The following FAM83A variants were observed in gnomAD, a reference collection of about 807,000 sequenced individuals.
FAM83A encodes the protein protein FAM83A.
FAM83A carries 21 observed loss-of-function variants against 24.4 expected under a neutral mutation model. The ratio of observed to expected loss-of-function variants is 0.86; its 90% CI spans 0.61 to 1.24. The LOEUF (loss-of-function observed/expected upper bound fraction) is 1.24, where lower values mean the gene tolerates loss of function less well. FAM83A is among the 50% of genes most tolerant of loss of function. FAM83A has a pLI of 0.00. For missense variants in FAM83A, 617 were observed against 579.8 expected (o/e 1.06, Z -0.66); for synonymous variants, 270 against 252.4 (o/e 1.07, Z -0.66).
exon 4 of FAM83A, chr8:123,207,987 G>A (rs1824622742): frequency 3.4e-6 from 4 of 1,189,364 alleles, no homozygotes; most frequent in Admixed American, 8.8e-5. Flanking sequence ...GATCATCCGG[G>A]GCTTTAATAT....
At chr8:123,191,662 G>T (rs910343098) in intron 1 of FAM83A, 141 bp from the exon 2 acceptor site, 6 of 834,992 alleles carry the variant, frequency 7.2e-6, no homozygotes, top group Non-Finnish European at 1.2e-5. Context: ...TGCCCAGTCA[G>T]ACCCACTCTA....
In FAM83A at chr8:123,209,957, C is replaced by A; in HGVS notation, c.*2269C>A. The A allele has an allele frequency of 5.0e-6, 1 of 198,134 alleles. No homozygotes were observed. The highest frequency in any genetic ancestry group is 1.1e-5 in the Non-Finnish European group (1 of 94,996). The allele number at this position is 198,134 out of a possible 1,614,324, so 12.3% of individuals were successfully genotyped here. On this transcript the variant is annotated 3_prime_UTR_variant, in exon 4 of 4. Coordinates refer to ENST00000690554, the Ensembl canonical transcript of FAM83A. The surrounding 1 kb of genome is among the most constrained non-coding windows in gnomAD (Gnocchi z 4.7). Reference sequence around the variant, plus strand: ...AGGTTGCCACATAGAAGCAGCTCTCCAGTTGAAACCCTCCTCTGCCAGCCT... The same window carrying A: ...AGGTTGCCACATAGAAGCAGCTCTCAAGTTGAAACCCTCCTCTGCCAGCCT...
chr8:123,195,521 G>T lies in FAM83A; in HGVS notation c.773+1373G>T, dbSNP rs143594067. 3.9e-3 allele frequency among the ~76,000 whole-genome samples: 599 copies of T among 152,214 alleles called. 4 individuals are homozygous for T. The highest frequency in any genetic ancestry group is 0.014 in the African/African-American group (573 of 41,542). ...ACATTGCTACCTCCAGTCTTCCTTGGGCTTAAATTTGTACAGTGTCTTAGT... is the reference window on the plus strand; with the variant it reads ...ACATTGCTACCTCCAGTCTTCCTTGTGCTTAAATTTGTACAGTGTCTTAGT... On this transcript the variant is annotated intron_variant, in intron 3 of 3. Transcript: ENST00000690554.
intron 1 of FAM83A, among the ~76,000 whole-genome samples, chr8:123,186,610 TCC>T (rs1224363149): frequency 6.6e-6 from 1 of 152,012 alleles, no homozygotes; most frequent in Non-Finnish European, 1.5e-5. Flanking sequence ...CAGGTGGATC[TCC>T]TGAGGTCAGG....
intron 1 of FAM83A, among the ~76,000 whole-genome samples, chr8:123,185,771 G>T (rs1199206565): frequency 1.3e-5 from 2 of 152,140 alleles, no homozygotes; most frequent in Non-Finnish European, 2.9e-5. Context: ...TAATAATAAA[G>T]AACTATTTCA....
Position 123,183,342 on chromosome 8 carries a change from G to T in FAM83A, c.480+6G>T. On this transcript the variant is annotated splice_donor_region_variant and intron_variant, in intron 1 of 3. Coordinates refer to ENST00000690554, the Ensembl canonical transcript of FAM83A. ...GCATCACCCGGACTAGCCAGGTACCGATGGCAAAGCCCCTGTCTCCGTGGC... is the reference window on the plus strand; with the variant it reads ...GCATCACCCGGACTAGCCAGGTACCTATGGCAAAGCCCCTGTCTCCGTGGC... 1 of 1,604,776 alleles carries T rather than the reference G, an allele frequency of 6.2e-7. No homozygotes were observed.
exon 4 of FAM83A, chr8:123,207,216 C>T (rs933456114): frequency 6.2e-7 from 1 of 1,612,278 alleles, no homozygotes; most frequent in South Asian, 1.1e-5. Context: ...ACAGGCCAGG[C>T]GGTGGAGCTG....
intron 1 of FAM83A, 108 bp from the exon 2 acceptor site, chr8:123,191,695 C>T (rs1823979910): frequency 2.5e-6 from 3 of 1,181,690 alleles, no homozygotes; most frequent in Admixed American, 1.9e-5. Context: ...CCCTCTGGCC[C>T]AATGGGAACA....
chr8:123,192,121 T>A (rs2131076175), intron 2 of FAM83A, 151 bp downstream of exon 2: 3 of 775,060 alleles, frequency 3.9e-6, no homozygotes. Context: ...GTAGGTCAGA[T>A]GGCCCTCCTC....
chr8:123,199,033 C>G (rs948694854), intron 3 of FAM83A, among the ~76,000 whole-genome samples: 4 of 152,212 alleles, frequency 2.6e-5, no homozygotes, highest in African/African-American at 9.6e-5. Flanking sequence ...AGCCACTGCT[C>G]CCAGCTTCTA....
chr8:123,207,341 A>G, exon 4 of FAM83A: 1 of 1,611,232 alleles, frequency 6.2e-7, no homozygotes, highest in East Asian at 2.2e-5. Context: ...TGGCCGCCTT[A>G]GCAGCAGCAG....
chr8:123,196,077 T>A (rs925596254), intron 3 of FAM83A, among the ~76,000 whole-genome samples: 1 of 152,242 alleles, frequency 6.6e-6, no homozygotes, highest in Non-Finnish European at 1.5e-5. Flanking sequence ...AGTGGTGCAA[T>A]CCCAGTTCAC....
chr8:123,183,227 C>T, exon 1 of FAM83A: 2 of 1,613,516 alleles, frequency 1.2e-6, no homozygotes, highest in Non-Finnish European at 1.7e-6. Context: ...TGGGCCTCAG[C>T]TGAGAAGCCC....
In FAM83A at chr8:123,194,300, G is replaced by C; in HGVS notation, c.773+152G>C. ...AGCTGGAGCTGCATCACATAGATGG[G>C]GTGAGAGGCAAGAAATGTGGACCCT... is the stretch of plus-strand genomic sequence containing the variant. On this transcript the variant is annotated intron_variant, in intron 3 of 3. Transcript: ENST00000690554. The C allele has an allele frequency of 2.7e-6, 3 of 1,106,776 alleles. No homozygotes were observed. In the East Asian group the frequency reaches 7.6e-5, roughly 28 times the overall value. 68.6% of individuals were successfully genotyped at this position (1,106,776 alleles called of 1,614,324 possible).
intron 1 of FAM83A, among the ~76,000 whole-genome samples, chr8:123,187,072 G>A (rs1347589942): frequency 6.6e-6 from 1 of 152,182 alleles, no homozygotes; most frequent in Non-Finnish European, 1.5e-5. Flanking sequence ...GAGTCTCAAA[G>A]GCTGAGTAAG....
chr8:123,181,653 A>G (rs1056634348), upstream of FAM83A: 7 of 174,638 alleles, frequency 4.0e-5, no homozygotes, highest in Middle Eastern at 2.6e-3. Flanking sequence ...TGGGCAGGAA[A>G]ACCTTGAGAT....
intron 3 of FAM83A, 115 bp downstream of exon 3, chr8:123,194,263 C>T: frequency 6.9e-7 from 1 of 1,443,012 alleles, no homozygotes; most frequent in Admixed American, 1.9e-5. Context: ...CAGAAGGTCT[C>T]CCTCTGCCCG....
At chr8:123,204,246 C>G (rs1326896535) in intron 3 of FAM83A, among the ~76,000 whole-genome samples, 1 of 152,032 alleles carries the variant, frequency 6.6e-6, no homozygotes, top group African/African-American at 2.4e-5. Flanking sequence ...GATCCCATCT[C>G]TGCCCCCAAA....
At chr8:123,179,963 A>C (rs1228736009), upstream of FAM83A, 1 of 152,182 alleles carries the variant, frequency 6.6e-6, no homozygotes, top group Non-Finnish European at 1.5e-5. Flanking sequence ...ATGCGCTGTG[A>C]GTAGAAAGGG....
Sources: gnomAD v4.1 joint callset for allele counts (sites outside exome capture counted in the v4.1 genomes callset) on GRCh38, gnomAD v4.1.1 for gene constraint, Gnocchi (gnomAD v3.1) non-coding constraint, MANE v1.5 for transcripts, NCBI Gene and HGNC (gene_info 2026-07-23, HGNC 2026-07-21) for gene names.